The following TPR variants were observed in gnomAD, a reference collection of about 807,000 sequenced individuals.
TPR encodes the protein nucleoprotein TPR.
Under a neutral mutation model 316.1 loss-of-function variants are expected in TPR, and 51 were observed. The observed-to-expected ratio is 0.16, with a 90% CI of 0.13 to 0.20. TPR has a LOEUF of 0.20. Ranked by LOEUF, TPR falls within the 10% of genes least tolerant of loss-of-function variation. TPR has a pLI of 1.00. For missense variants in TPR, 2,272 were observed against 2,754.8 expected, an observed-to-expected ratio of 0.82 and a Z score of 3.92; for synonymous variants, 981 against 914.7, an observed-to-expected ratio of 1.07 and a Z score of -1.31.
At chr1:186,339,394 T>A (rs79783281) in intron 30 of TPR, among the ~76,000 whole-genome samples, 1 of 152,024 alleles carries the variant, frequency 6.6e-6, no homozygotes. Flanking sequence ...GCTTTAGACT[T>A]CTGAGTAGCT....
At chr1:186,335,916 A>T (rs954386488) in intron 33 of TPR, among the ~76,000 whole-genome samples, 2 of 152,130 alleles carry the variant, frequency 1.3e-5, no homozygotes, top group African/African-American at 4.8e-5. Context: ...AACTTTTAAA[A>T]TCAAGTAAGT....
intron 9 of TPR, 41 bp downstream of exon 9, chr1:186,361,581 A>C: frequency 1.3e-6 from 2 of 1,582,566 alleles, no homozygotes; most frequent in Admixed American, 3.5e-5. Flanking sequence ...AAAAAAGAGT[A>C]CAATAACAAA....
In TPR at chr1:186,361,667, G is replaced by A. The variant is rs766162812; in HGVS notation, c.913C>T (p.Arg305Trp). The A allele has an allele frequency of 2.2e-5, 35 of 1,613,102 alleles. No homozygotes were observed. The highest frequency in any genetic ancestry group is 2.5e-5 in the Non-Finnish European group (30 of 1,179,438). ...AGTTTGTGTAGTTCCTCTACTGCCC[G>A]GGTTAGTTCATTGCTCTTTGCTTCT... is the stretch of plus-strand genomic sequence containing the variant. ...DSEAKSNELT[R>W]AVEELHKLLK... Residue 305 changes from arginine (R) to tryptophan (W), a missense_variant, in exon 9 of 51, where the codon CGG becomes TGG. Around this residue, in one of 10 missense-constraint regions of TPR, gnomAD observed 549 missense variants for 598.6 expected, o/e 0.92. Transcript: ENST00000367478.
chr1:186,354,313 A>G (rs1658958204), intron 17 of TPR, among the ~76,000 whole-genome samples: 1 of 152,208 alleles, frequency 6.6e-6, no homozygotes, highest in Non-Finnish European at 1.5e-5. Context: ...AATCAATTAT[A>G]TTTAAAGTAA....
Position 186,355,665 on chromosome 1 carries a change from C to T in TPR, c.1992G>A (p.Glu664=). 2 of 1,614,126 alleles carry T rather than the reference C, an allele frequency of 1.2e-6. No homozygotes were observed. Among genetic ancestry groups the T allele is most frequent in the Non-Finnish European group, 1.7e-6 (2 of 1,180,014 alleles). The change falls in exon 16 of 51, where the codon GAG becomes GAA. Residue 664 remains glutamate, a synonymous_variant. Transcript: ENST00000367478. ...PAPVPVIEST[E]AIEAKAALKQ... ...TAAGGGCAGCCTTAGCCTCTATAGC[C>T]TCTGTTGATTCAATAACAGGTACTG...
intron 5 of TPR, 26 bp from the exon 6 acceptor site, chr1:186,363,027 GTACAGT>G: frequency 1.3e-6 from 2 of 1,578,972 alleles, no homozygotes; most frequent in South Asian, 2.3e-5. Flanking sequence ...AAAATAACAC[GTACAGT>G]TAAAGATGAT....
At chr1:186,357,346 T>A in intron 14 of TPR, 51 bp downstream of exon 14, 1 of 1,577,134 alleles carries the variant, frequency 6.3e-7, no homozygotes, top group Non-Finnish European at 8.7e-7. Flanking sequence ...TGAGCCTAGC[T>A]GAGGTTTTCA....
rs565804115 is a variant in TPR at position 186,332,333 on chromosome 1, G to C, written c.5466C>G (p.Thr1822=). The C allele has an allele frequency of 1.2e-6, 2 of 1,611,450 alleles. No homozygotes were observed. Among genetic ancestry groups the C allele is most frequent in the East Asian group, 2.2e-5 (1 of 44,800 alleles). ...TACGCTTTGGCAAAGAAGAACTGGG[G>C]GTAGCCGAAACTTTGAAATTATATA... ...STAVFGTVSA[T]PSSSLPKRTR... Residue 1822 remains threonine (T), a synonymous_variant, in exon 38 of 51, where the codon ACC becomes ACG. Coordinates refer to ENST00000367478, the MANE Select transcript of TPR (RefSeq NM_003292.3).
chr1:186,328,919 T>C (rs1658075189), intron 39 of TPR, among the ~76,000 whole-genome samples: 2 of 152,204 alleles, frequency 1.3e-5, no homozygotes, highest in African/African-American at 4.8e-5. Context: ...ATCAATTTTT[T>C]ATACAAGCTA....
chr1:186,348,372 T>C lies in TPR; in HGVS notation c.2777-914A>G, dbSNP rs149334930. Among the ~76,000 whole-genome samples, 900 of 152,216 alleles carry C rather than the reference T, an allele frequency of 5.9e-3. 11 individuals are homozygous for C. Among genetic ancestry groups the C allele is most frequent in the African/African-American group, 0.021 (870 of 41,512 alleles). On this transcript the variant is annotated intron_variant, in intron 21 of 50. Coordinates refer to ENST00000367478, the MANE Select transcript of TPR (RefSeq NM_003292.3). ...TTGGGAAAACTCAGCCCTGGTAAAT[T>C]TGTGGTCAGACCGGTTCTCTGCTCT...
chr1:186,357,328 T>G, intron 14 of TPR, 69 bp downstream of exon 14: 1,058 of 1,482,658 alleles, frequency 7.1e-4, no homozygotes, highest in Non-Finnish European at 8.9e-4. Flanking sequence ...ATTACAGGCA[T>G]GAGACACTGA....
chr1:186,361,610 GA>G lies in TPR; in HGVS notation c.958+11del, dbSNP rs1659190196. The G allele has an allele frequency of 6.2e-7, 1 of 1,609,690 alleles. No homozygotes were observed. Among genetic ancestry groups the G allele is most frequent in the Admixed American group, 1.7e-5 (1 of 59,756 alleles). On this transcript the variant is annotated intron_variant, in intron 9 of 50. Coordinates refer to ENST00000367478, the MANE Select transcript of TPR (RefSeq NM_003292.3). Reference sequence around the variant, plus strand: ...TAACAAAAATAATGTTCCCATAACTGAAAACACTTACCTTCACCAGCTTCTT... The same window carrying G: ...TAACAAAAATAATGTTCCCATAACTGAAACACTTACCTTCACCAGCTTCTT...
chr1:186,370,217 C>G (rs1659479867), intron 3 of TPR, among the ~76,000 whole-genome samples: 2 of 152,020 alleles, frequency 1.3e-5, no homozygotes, highest in Non-Finnish European at 2.9e-5. Flanking sequence ...CCCCAATCAT[C>G]TTTAGAACTA....
chr1:186,327,559 T>A lies in TPR; in HGVS notation c.5790A>T (p.Thr1930=). The A allele has an allele frequency of 1.9e-6, 3 of 1,612,640 alleles. No homozygotes were observed. Among genetic ancestry groups the A allele is most frequent in the Non-Finnish European group, 2.5e-6 (3 of 1,179,744 alleles). Residue 1930 remains threonine (T), a synonymous_variant, in exon 40 of 51, where the codon ACA becomes ACT. Transcript: ENST00000367478. ...LGPLQSDQQT[T]TSSQDGQGKG... ...TGCCTTGACCATCCTGGGATGAAGT[T>A]GTCGTCTGCTGATCTGATTGAAGTG...
At chr1:186,321,933 A>T (rs1197509951) in intron 45 of TPR, among the ~76,000 whole-genome samples, 2 of 152,182 alleles carry the variant, frequency 1.3e-5, no homozygotes, top group Non-Finnish European at 2.9e-5. Flanking sequence ...TAATTCTTAT[A>T]ACTTATGCAA....
intron 13 of TPR, 147 bp downstream of exon 13, chr1:186,358,396 A>G: frequency 2.0e-6 from 1 of 511,926 alleles, no homozygotes; most frequent in East Asian, 3.5e-5. Context: ...AAAAGAAACA[A>G]TGGGGGTGCA....
At chr1:186,350,952 A>G (rs1367441934) in intron 20 of TPR, among the ~76,000 whole-genome samples, 7 of 152,180 alleles carry the variant, frequency 4.6e-5, no homozygotes, top group Admixed American at 2.6e-4. Flanking sequence ...AAAACCCCAC[A>G]ATTGCAATGG....
chr1:186,321,563 T>C (rs184522601), intron 45 of TPR, among the ~76,000 whole-genome samples: 1 of 152,320 alleles, frequency 6.6e-6, no homozygotes, highest in Admixed American at 6.5e-5. Context: ...ACATTAATAA[T>C]GTCTACTCTC....
Position 186,350,233 on chromosome 1 carries a change from T to G in TPR, c.2766A>C (p.Arg922Ser), listed in dbSNP as rs768624105. ...ACTTATTTTATTTACCTTTACCAGTTCTCTGTGAAGACTGAGAAGCAACTT... is the reference window on the plus strand; with the variant it reads ...ACTTATTTTATTTACCTTTACCAGTGCTCTGTGAAGACTGAGAAGCAACTT... ...EVQVASQSSQ[R>S]TGKGQPSNKE... The change falls in exon 21 of 51, where the codon AGA becomes AGC. Residue 922 changes from arginine to serine, a missense_variant. Coordinates refer to ENST00000367478, the MANE Select transcript of TPR (RefSeq NM_003292.3). 3 of 1,607,936 alleles carry G rather than the reference T, an allele frequency of 1.9e-6. No individual in the cohort carries two copies. The South Asian group carries it at 3.4e-5, about 18-fold the overall frequency.
Sources: allele counts gnomAD v4.1 joint callset (sites outside exome capture counted in the v4.1 genomes callset), GRCh38; gene constraint gnomAD v4.1.1; regional missense constraint gnomAD v4.1.1; transcripts MANE v1.5; gene names NCBI Gene and HGNC (gene_info 2026-07-23, HGNC 2026-07-21).